The following GPC6 variants were observed in gnomAD, a reference collection of about 807,000 sequenced individuals.
The protein encoded by GPC6 is glypican 6, also known as glypican-6.
In GPC6, 14 loss-of-function variants were observed where a neutral mutation model predicts 55.2. The observed-to-expected ratio is 0.25, with a 90% confidence interval of 0.17 to 0.40. GPC6 has a LOEUF of 0.40. GPC6 is among the 10% of genes least tolerant of loss of function. GPC6 has a pLI of 1.00. For missense variants in GPC6, 641 were observed against 708.5 expected (o/e 0.90, Z 1.08); for synonymous variants, 278 against 259.6 (o/e 1.07, Z -0.68).
At chr13:94,366,263 A>G (rs559959641) in intron 6 of GPC6, among the ~76,000 whole-genome samples, 121 of 152,356 alleles carry the variant, frequency 7.9e-4, no homozygotes, top group African/African-American at 2.8e-3. Context: ...TTTTTCTCAC[A>G]TTGGCAAAAT....
chr13:94,221,499 T>C (rs148021492), intron 4 of GPC6, among the ~76,000 whole-genome samples: 212 of 152,242 alleles, frequency 1.4e-3, no homozygotes, highest in Admixed American at 2.9e-3. Flanking sequence ...TTAGACCTCA[T>C]ATGTAAAAGG....
At chr13:94,139,373 T>C (rs1016164606) in intron 4 of GPC6, among the ~76,000 whole-genome samples, 7 of 152,194 alleles carry the variant, frequency 4.6e-5, no homozygotes, top group Non-Finnish European at 1.0e-4. Flanking sequence ...GGCATAACTA[T>C]AGTATTTGTC....
chr13:94,132,263 G>T (rs1369325984), intron 4 of GPC6, among the ~76,000 whole-genome samples: 2 of 152,114 alleles, frequency 1.3e-5, no homozygotes, highest in African/African-American at 4.8e-5. Flanking sequence ...AAATGTATTT[G>T]GTACAGGATC....
Position 93,322,152 on chromosome 13 carries a change from C to A in GPC6, c.160+94536C>A, listed in dbSNP as rs79342574. 1.8e-4 allele frequency among the ~76,000 whole-genome samples: 27 copies of A among 152,144 alleles called. No individual in the cohort carries two copies. In the East Asian group the frequency reaches 2.5e-3, roughly 14 times the overall value. ...TGCTACCAAAATTTCTAAGTTTATT[C>A]TTTTTTAAAACTTTTAAGTTCAAGG... is the stretch of plus-strand genomic sequence containing the variant. On this transcript the variant is annotated intron_variant, in intron 1 of 8. Coordinates refer to ENST00000377047, the MANE Select transcript of GPC6 (RefSeq NM_005708.5).
chr13:94,320,688 T>C (rs1876774928), intron 6 of GPC6, among the ~76,000 whole-genome samples: 1 of 152,226 alleles, frequency 6.6e-6, no homozygotes, highest in African/African-American at 2.4e-5. Flanking sequence ...GTCTGAGGAA[T>C]GTCCTTTGGA....
intron 2 of GPC6, among the ~76,000 whole-genome samples, chr13:93,582,543 C>T (rs79692795): frequency 6.6e-6 from 1 of 152,114 alleles, no homozygotes; most frequent in Non-Finnish European, 1.5e-5. Flanking sequence ...ATTATTAACC[C>T]CATTTCATAG....
chr13:94,012,301 G>C (rs1882279260), intron 3 of GPC6, among the ~76,000 whole-genome samples: 1 of 152,010 alleles, frequency 6.6e-6, no homozygotes, highest in Non-Finnish European at 1.5e-5. Flanking sequence ...GGTCCATGCT[G>C]GTACTTTGCA....
rs116108510 is a variant in GPC6, at chr13:93,613,250, G to T, written c.319+67829G>T. Among the ~76,000 whole-genome samples, 341 of 152,208 alleles carry T rather than the reference G, an allele frequency of 2.2e-3. 2 individuals are homozygous for T. Among genetic ancestry groups the T allele is most frequent in the African/African-American group, 8.0e-3 (331 of 41,526 alleles). ...CTGCAAACATTGCATAAAGAAATGAGTAAAACAGCAACAATAATAATCAGA... is the reference window on the plus strand; with the variant it reads ...CTGCAAACATTGCATAAAGAAATGATTAAAACAGCAACAATAATAATCAGA... On this transcript the variant is annotated intron_variant, in intron 2 of 8. Transcript: ENST00000377047.
rs553382686 is a variant in GPC6 at position 93,781,275 on chromosome 13, C to T, written c.320-48879C>T. On this transcript the variant is annotated intron_variant, in intron 2 of 8. Transcript: ENST00000377047. ...TGGCAACAGAGTGAGACTCCATCTC[C>T]GAAAAAAAAAAAAAAGAAAAAAGAA... Among the ~76,000 whole-genome samples, 277 of 99,966 alleles carry T rather than the reference C, an allele frequency of 2.8e-3. 1 individual carries two copies. The highest frequency in any genetic ancestry group is 8.9e-3 in the African/African-American group (267 of 30,070). The allele number at this position is 99,966 out of a possible 152,430, so 65.6% of individuals were successfully genotyped here.
intron 4 of GPC6, among the ~76,000 whole-genome samples, chr13:94,105,638 G>T (rs1475259503): frequency 6.6e-6 from 1 of 152,210 alleles, no homozygotes. Flanking sequence ...TTAAATTCAG[G>T]AACTTTGGAG....
chr13:94,118,588 G>A (rs1228140677), intron 4 of GPC6, among the ~76,000 whole-genome samples: 2 of 152,032 alleles, frequency 1.3e-5, no homozygotes, highest in Non-Finnish European at 2.9e-5. Flanking sequence ...TATTTGCCCT[G>A]CATTATTCTT....
intron 3 of GPC6, among the ~76,000 whole-genome samples, chr13:93,953,134 C>G (rs1348465473): frequency 6.6e-6 from 1 of 151,842 alleles, no homozygotes; most frequent in Non-Finnish European, 1.5e-5. Context: ...TGCCACCTTC[C>G]CTCGTGGTTT....
intron 1 of GPC6, among the ~76,000 whole-genome samples, chr13:93,501,790 TA>T (rs748967021): frequency 2.1e-4 from 32 of 152,166 alleles, no homozygotes; most frequent in Non-Finnish European, 3.7e-4. Context: ...TTGAAATATC[TA>T]AATTACTGCC....
At chr13:93,509,142 C>T (rs188160066) in intron 1 of GPC6, among the ~76,000 whole-genome samples, 8 of 152,228 alleles carry the variant, frequency 5.3e-5, no homozygotes, top group African/African-American at 1.7e-4. Flanking sequence ...TTGAGTTAGA[C>T]TTAAAATCAT....
intron 4 of GPC6, among the ~76,000 whole-genome samples, chr13:94,133,407 A>T (rs540884882): frequency 6.6e-6 from 1 of 152,272 alleles, no homozygotes; most frequent in Non-Finnish European, 1.5e-5. Context: ...TGACTTAAAA[A>T]CTTCCCACTT....
intron 6 of GPC6, among the ~76,000 whole-genome samples, chr13:94,317,923 A>G (rs964529260): frequency 2.0e-5 from 3 of 152,138 alleles, no homozygotes; most frequent in African/African-American, 7.2e-5. Flanking sequence ...TGTGCCCAAT[A>G]ACAATAGGTG....
At chr13:93,594,155 T>A (rs1261718827) in intron 2 of GPC6, among the ~76,000 whole-genome samples, 1 of 152,036 alleles carries the variant, frequency 6.6e-6, no homozygotes. Context: ...TTATTTTATT[T>A]TTTTTTTTAC....
chr13:94,159,010 A>G (rs994136114), intron 4 of GPC6, among the ~76,000 whole-genome samples: 1 of 152,140 alleles, frequency 6.6e-6, no homozygotes, highest in African/African-American at 2.4e-5. Flanking sequence ...ACCTGTAGGT[A>G]TGTACTAGTG....
chr13:93,944,272 C>A (rs1222913079), intron 3 of GPC6, among the ~76,000 whole-genome samples: 1 of 151,834 alleles, frequency 6.6e-6, no homozygotes, highest in African/African-American at 2.4e-5. Context: ...GGCGCCATCT[C>A]GGCTCACTGC....
Sources: allele counts gnomAD v4.1 joint callset (sites outside exome capture counted in the v4.1 genomes callset), GRCh38; gene constraint gnomAD v4.1.1; transcripts MANE v1.5; gene names NCBI Gene and HGNC (gene_info 2026-07-23, HGNC 2026-07-21).